ATXN1: variants seen among roughly 807,000 people sequenced by gnomAD.
The protein encoded by ATXN1 is ataxin 1.
ATXN1 carries 8 observed loss-of-function variants against 56.4 expected under a neutral mutation model. The ratio of observed to expected loss-of-function variants is 0.14; its 90% CI spans 0.08 to 0.26. The LOEUF is 0.26. Ranked by LOEUF, ATXN1 falls within the 10% of genes least tolerant of loss-of-function variation. The pLI is 1.00. For synonymous variants in ATXN1, 514 were observed against 494.6 expected, an observed-to-expected ratio of 1.04 and a Z score of -0.52; for missense variants, 987 against 1,106.5, an observed-to-expected ratio of 0.89 and a Z score of 1.53.
chr6:16,414,732 T>G (rs923263676), intron 6 of ATXN1, among the ~76,000 whole-genome samples: 1 of 152,240 alleles, frequency 6.6e-6, no homozygotes, highest in Non-Finnish European at 1.5e-5. Flanking sequence ...TAATGCCTCC[T>G]TAAGCAGACA....
At chr6:16,612,197 T>C (rs1253111256) in intron 3 of ATXN1, among the ~76,000 whole-genome samples, 2 of 152,058 alleles carry the variant, frequency 1.3e-5, no homozygotes, top group East Asian at 3.9e-4. Context: ...AGAAGTAGGA[T>C]AAAATCATAA....
At chr6:16,455,163 T>A (rs2113617869) in intron 6 of ATXN1, among the ~76,000 whole-genome samples, 1 of 152,294 alleles carries the variant, frequency 6.6e-6, no homozygotes, top group South Asian at 2.1e-4. Context: ...AACCAGGTAG[T>A]AAGACTCATC....
intron 5 of ATXN1, among the ~76,000 whole-genome samples, chr6:16,500,862 A>G (rs1191693678): frequency 2.0e-5 from 3 of 152,222 alleles, no homozygotes; most frequent in Non-Finnish European, 4.4e-5. Flanking sequence ...GAAGAATATC[A>G]GGCAAAAATC....
At chr6:16,362,157 C>T (rs179973) in intron 6 of ATXN1, among the ~76,000 whole-genome samples, 101,291 of 152,072 alleles carry the variant, frequency 0.67, 34,806 homozygotes, top group Admixed American at 0.79. Context: ...AAACCCGTGA[C>T]GATGGAGACC....
intron 2 of ATXN1, among the ~76,000 whole-genome samples, chr6:16,672,922 G>A (rs112855934): frequency 0.12 from 18,246 of 150,068 alleles, 2,424 homozygotes; most frequent in African/African-American, 0.33. Context: ...GCTGAGGCAG[G>A]AGAATTGCTT....
At chr6:16,525,178 C>T (rs1177708150) in intron 4 of ATXN1, among the ~76,000 whole-genome samples, 2 of 152,092 alleles carry the variant, frequency 1.3e-5, no homozygotes, top group African/African-American at 4.8e-5. Flanking sequence ...GGTATATACT[C>T]AAAAGAAAGG....
intron 4 of ATXN1, among the ~76,000 whole-genome samples, chr6:16,554,870 C>T (rs192699147): frequency 5.9e-5 from 9 of 152,358 alleles, no homozygotes; most frequent in African/African-American, 2.2e-4. Flanking sequence ...AGATTACAAG[C>T]ATGAGCCACT....
At chr6:16,719,957 CT>C (rs1049391805) in intron 2 of ATXN1, among the ~76,000 whole-genome samples, 12 of 152,184 alleles carry the variant, frequency 7.9e-5, no homozygotes, top group African/African-American at 2.9e-4. Flanking sequence ...GAACAAATTC[CT>C]GTTGTTTTAA....
chr6:16,442,283 G>A (rs11970726), intron 6 of ATXN1, among the ~76,000 whole-genome samples: 4,237 of 152,192 alleles, frequency 0.028, 192 homozygotes, highest in African/African-American at 0.095. Context: ...AATATTGTTC[G>A]CAGAAACCCT....
At chr6:16,320,461 A>T (rs568773178) in intron 7 of ATXN1, among the ~76,000 whole-genome samples, 2 of 152,312 alleles carry the variant, frequency 1.3e-5, no homozygotes, top group Non-Finnish European at 1.5e-5. Context: ...TTAGGAAAGA[A>T]GCAAAGGAAC....
At chr6:16,644,407 C>T (rs1047620446) in intron 3 of ATXN1, among the ~76,000 whole-genome samples, 3 of 150,954 alleles carry the variant, frequency 2.0e-5, no homozygotes, top group Non-Finnish European at 4.4e-5. Context: ...CCCAGCTACT[C>T]GGGAGGCCGA....
chr6:16,468,597 G>C lies in ATXN1; in HGVS notation c.-161+17375C>G, dbSNP rs186928886. On this transcript the variant is annotated intron_variant, in intron 6 of 7. Coordinates refer to ENST00000436367, the MANE Select transcript of ATXN1 (RefSeq NM_001128164.2). Reference sequence around the variant, plus strand: ...AATGAACAGTCACTGGAACCAGTAAGCGAGTATATGCTATCCCTGGGCTAG... The same window carrying C: ...AATGAACAGTCACTGGAACCAGTAACCGAGTATATGCTATCCCTGGGCTAG... Among the ~76,000 whole-genome samples the C allele has an allele frequency of 1.2e-3, 187 of 152,310 alleles. 1 individual carries two copies. Among genetic ancestry groups the C allele is most frequent in the Non-Finnish European group, 4.3e-4 (29 of 68,026 alleles).
Position 16,339,090 on chromosome 6 carries a change from G to A in ATXN1, c.-160-10620C>T, listed in dbSNP as rs548297294. Among the ~76,000 whole-genome samples, 22 of 152,280 alleles carry A rather than the reference G, an allele frequency of 1.4e-4. No homozygotes were observed. In the East Asian group the frequency reaches 4.3e-3, roughly 29 times the overall value. On this transcript the variant is annotated intron_variant, in intron 6 of 7. Coordinates refer to ENST00000436367, the MANE Select transcript of ATXN1 (RefSeq NM_001128164.2). The stretch of plus-strand genomic sequence containing the variant: ...CCAAGACGCATGGTGGGGAAATGCA[G>A]AATCCTCCTTCCACATCCCGCAGGG...
chr6:16,402,257 T>G lies in ATXN1; in HGVS notation c.-160-73787A>C, dbSNP rs1486946674. On this transcript the variant is annotated intron_variant, in intron 6 of 7. Transcript: ENST00000436367. ...ACCACTGACAGTTTTTTTTTTTTTT[T>G]TTTTTTTTTTTTTTTTTTTTTTTGC... Among the ~76,000 whole-genome samples the G allele has an allele frequency of 2.9e-4, 33 of 114,868 alleles. 1 individual carries two copies. Among genetic ancestry groups the G allele is most frequent in the East Asian group, 4.3e-4 (2 of 4,648 alleles). 75.4% of individuals were successfully genotyped at this position (114,868 alleles called of 152,430 possible).
At chr6:16,341,965 T>C (rs995419746) in intron 6 of ATXN1, among the ~76,000 whole-genome samples, 11 of 139,570 alleles carry the variant, frequency 7.9e-5, no homozygotes, top group Admixed American at 5.6e-4. Flanking sequence ...TCACTGCACC[T>C]CCCAGGTTCA....
intron 4 of ATXN1, among the ~76,000 whole-genome samples, chr6:16,574,470 A>G (rs1018474544): frequency 6.6e-6 from 1 of 152,024 alleles, no homozygotes; most frequent in Non-Finnish European, 1.5e-5. Context: ...CGGCCTCCCA[A>G]AGTGTTGGGA....
intron 4 of ATXN1, among the ~76,000 whole-genome samples, chr6:16,575,913 A>C (rs921025607): frequency 2.0e-5 from 3 of 152,188 alleles, no homozygotes; most frequent in African/African-American, 7.2e-5. Flanking sequence ...ATCAATGGGC[A>C]TATAAAATTT....
At chr6:16,689,056 T>C (rs978066728) in intron 2 of ATXN1, among the ~76,000 whole-genome samples, 4 of 151,546 alleles carry the variant, frequency 2.6e-5, no homozygotes, top group Admixed American at 2.6e-4. Flanking sequence ...TCTGTGTGTG[T>C]GTATGTGTGT....
intron 7 of ATXN1, among the ~76,000 whole-genome samples, chr6:16,318,214 C>G (rs1166626010): frequency 1.3e-5 from 2 of 152,158 alleles, no homozygotes; most frequent in Non-Finnish European, 2.9e-5. Context: ...CACAAGAGTC[C>G]CTGTTTTCAC....
Sources: allele counts gnomAD v4.1 joint callset (sites outside exome capture counted in the v4.1 genomes callset), GRCh38; gene constraint gnomAD v4.1.1; transcripts MANE v1.5; gene names NCBI Gene and HGNC (gene_info 2026-07-23, HGNC 2026-07-21).